SH3PXD2A: variants seen among roughly 807,000 people sequenced by gnomAD.
SH3PXD2A encodes the protein SH3 and PX domain-containing protein 2A.
Under a neutral mutation model 115.2 loss-of-function variants are expected in SH3PXD2A, and 32 were observed. That is an observed-to-expected ratio of 0.28 (90% CI 0.21 to 0.37). The LOEUF (loss-of-function observed/expected upper bound fraction) is 0.37, where lower values mean the gene tolerates loss of function less well. Ranked by LOEUF, SH3PXD2A falls within the 10% of genes least tolerant of loss-of-function variation. SH3PXD2A has a pLI of 1.00. For synonymous variants in SH3PXD2A, 610 were observed against 629.1 expected, an observed-to-expected ratio of 0.97 and a Z score of 0.45; for missense variants, 1,328 against 1,498.7, an observed-to-expected ratio of 0.89 and a Z score of 1.88.
At chr10:103,609,522 A>C (rs895454850) in intron 13 of SH3PXD2A, 1 of 152,220 alleles carries the variant, frequency 6.6e-6, no homozygotes, top group Non-Finnish European at 1.5e-5. Context: ...ACATTCAAGG[A>C]CATTTAGAAG....
At chr10:103,844,169 A>G (rs1265632526) in intron 1 of SH3PXD2A, among the ~76,000 whole-genome samples, 1 of 152,248 alleles carries the variant, frequency 6.6e-6, no homozygotes, top group Non-Finnish European at 1.5e-5. Flanking sequence ...GGCTCTGACC[A>G]GCAGAAATCC....
intron 1 of SH3PXD2A, among the ~76,000 whole-genome samples, chr10:103,831,931 A>T (rs2039486092): frequency 1.3e-5 from 2 of 152,066 alleles, no homozygotes; most frequent in South Asian, 4.2e-4. Flanking sequence ...TTTGTGTCTG[A>T]CTTCTTTCAC....
intron 3 of SH3PXD2A, among the ~76,000 whole-genome samples, chr10:103,761,500 A>T (rs1294972901): frequency 2.0e-5 from 3 of 152,252 alleles, no homozygotes; most frequent in Admixed American, 6.5e-5. Context: ...GGACTATCTT[A>T]TTTGTAATCA....
chr10:103,737,356 C>T (rs1274369979), intron 3 of SH3PXD2A, among the ~76,000 whole-genome samples: 1 of 152,184 alleles, frequency 6.6e-6, no homozygotes, highest in African/African-American at 2.4e-5. Context: ...AGGTAGACTG[C>T]ATATGAATCC....
chr10:103,828,104 C>T lies in SH3PXD2A; in HGVS notation c.73-26742G>A, dbSNP rs78713883. 7.9e-3 allele frequency among the ~76,000 whole-genome samples: 1,206 copies of T among 152,254 alleles called. 6 individuals are homozygous for T. Among genetic ancestry groups the T allele is most frequent in the Non-Finnish European group, 0.013 (907 of 68,026 alleles). On this transcript the variant is annotated intron_variant, in intron 1 of 14. Transcript: ENST00000369774. ...ATCTTTTGGGAGAGAGGAAAGTCTA[C>T]GTAATAAGATGCTACAGTTCTCTGT... is the stretch of plus-strand genomic sequence containing the variant.
rs748254205 is a variant in SH3PXD2A, at chr10:103,767,086, A to G, written c.229+8T>C. The G allele has an allele frequency of 2.0e-5, 32 of 1,611,562 alleles. No homozygotes were observed. The highest frequency in any genetic ancestry group is 2.4e-5 in the Non-Finnish European group (28 of 1,177,872). ...CCCCATCCCTGGGTGGAGCCACCCA[A>G]TGCTTACCTGGGAGGAAGGGGATGA... On this transcript the variant is annotated splice_region_variant and intron_variant, in intron 3 of 14. Transcript: ENST00000369774.
chr10:103,685,616 A>G (rs1426184429), intron 6 of SH3PXD2A, among the ~76,000 whole-genome samples: 1 of 152,078 alleles, frequency 6.6e-6, no homozygotes, highest in African/African-American at 2.4e-5. Flanking sequence ...AAGCTGCTTC[A>G]CCCTTAGTGC....
chr10:103,785,344 C>T (rs534350843), intron 2 of SH3PXD2A, among the ~76,000 whole-genome samples: 6 of 152,242 alleles, frequency 3.9e-5, no homozygotes, highest in Non-Finnish European at 7.4e-5. Flanking sequence ...AGATGAGACC[C>T]GGGGACCCTC....
rs749998982 is a variant in SH3PXD2A at position 103,855,189 on chromosome 10, A to G, written c.72+6T>C. 10 of 1,530,124 alleles carry G rather than the reference A, an allele frequency of 6.5e-6. No individual in the cohort carries two copies. The highest frequency in any genetic ancestry group is 8.8e-6 in the Non-Finnish European group (10 of 1,136,340). 94.8% of individuals were successfully genotyped at this position (1,530,124 alleles called of 1,614,324 possible). On this transcript the variant is annotated splice_donor_region_variant and intron_variant, in intron 1 of 14. Coordinates refer to ENST00000369774, the MANE Select transcript of SH3PXD2A (RefSeq NM_001394015.1). ...CCCCAGCAGGGTCGGCGGGGGCTGT[A>G]CTCACGTAGTGCTTGGAGGGGTTCC...
rs1491423911 is a variant in SH3PXD2A, at chr10:103,702,597, G to GTGTGTGTGTGTGTGTC, written c.399-9542_399-9541insGACACACACACACACA. ...AACAGATGTAAGCCTGTGTGTGTGCGTGTGTGTGTGTGTGTGCATGCTGGG... is the reference window on the plus strand; with the variant it reads ...AACAGATGTAAGCCTGTGTGTGTGCGTGTGTGTGTGTGTGTCTGTGTGTGTGTGTGTGCATGCTGGG... On this transcript the variant is annotated intron_variant, in intron 5 of 14. Coordinates refer to ENST00000369774, the MANE Select transcript of SH3PXD2A (RefSeq NM_001394015.1). 4.6e-4 allele frequency among the ~76,000 whole-genome samples: 5 copies of GTGTGTGTGTGTGTGTC among 10,916 alleles called. No homozygotes were observed. The East Asian group carries it at 0.06, about 130-fold the overall frequency. 7.2% of individuals were successfully genotyped at this position (10,916 alleles called of 152,430 possible). A position where few individuals can be genotyped will look rare whatever the true frequency, so the allele number is the denominator to read the frequency against.
At chr10:103,647,004 G>C (rs1349250377) in intron 8 of SH3PXD2A, among the ~76,000 whole-genome samples, 1 of 152,194 alleles carries the variant, frequency 6.6e-6, no homozygotes, top group African/African-American at 2.4e-5. Flanking sequence ...ACCTCCCTTG[G>C]AGGGAGGCCT....
At position 103,694,182 on chromosome 10, in the gene SH3PXD2A, C is replaced by T. The variant is rs146780531; in HGVS notation, c.399-1126G>A. 9.6e-3 allele frequency among the ~76,000 whole-genome samples: 1,466 copies of T among 152,222 alleles called. 10 individuals carry two copies. The highest frequency in any genetic ancestry group is 0.016 in the South Asian group (75 of 4,814). On this transcript the variant is annotated intron_variant, in intron 5 of 14. Coordinates refer to ENST00000369774, the MANE Select transcript of SH3PXD2A (RefSeq NM_001394015.1). ...CTCTCTCCGGAGTCCGAAGGAAATG[C>T]CTTCCATTTTCCCCAGGGGCCAAAG...
At chr10:103,683,994 T>C (rs2037644373) in intron 6 of SH3PXD2A, among the ~76,000 whole-genome samples, 1 of 152,256 alleles carries the variant, frequency 6.6e-6, no homozygotes, top group Non-Finnish European at 1.5e-5. Context: ...GCCTGCGCTC[T>C]GGAGGGAGGA....
chr10:103,759,745 G>A (rs888240230), intron 3 of SH3PXD2A, among the ~76,000 whole-genome samples: 7 of 152,198 alleles, frequency 4.6e-5, no homozygotes, highest in African/African-American at 1.7e-4. Context: ...ATCCCAGGAT[G>A]GGCAACAGGA....
chr10:103,670,363 G>A (rs2037439940), intron 6 of SH3PXD2A, among the ~76,000 whole-genome samples: 1 of 152,210 alleles, frequency 6.6e-6, no homozygotes, highest in African/African-American at 2.4e-5. Context: ...CTGGGTTGCT[G>A]TGAGAATTAA....
At chr10:103,706,353 G>A (rs1009358610) in intron 5 of SH3PXD2A, among the ~76,000 whole-genome samples, 10 of 152,216 alleles carry the variant, frequency 6.6e-5, no homozygotes, top group African/African-American at 9.6e-5. Context: ...TGGTTTTACA[G>A]CCTCCTCTCA....
intron 8 of SH3PXD2A, among the ~76,000 whole-genome samples, chr10:103,656,310 CT>C (rs1468859757): frequency 6.6e-6 from 1 of 152,236 alleles, no homozygotes; most frequent in East Asian, 1.9e-4. Flanking sequence ...GACACCCGAT[CT>C]AACGTTTGCC....
At chr10:103,808,042 G>T (rs939740209) in intron 1 of SH3PXD2A, among the ~76,000 whole-genome samples, 4 of 151,970 alleles carry the variant, frequency 2.6e-5, no homozygotes, top group Non-Finnish European at 4.4e-5. Flanking sequence ...TCATGGGGGG[G>T]TTGGTAAGAA....
rs2037415974 is a variant in SH3PXD2A at position 103,668,626 on chromosome 10, G to A, written c.454C>T (p.Pro152Ser). The change falls in exon 7 of 15, where the codon CCC becomes TCC. Residue 152 changes from proline (P) to serine (S), a missense_variant. Physicochemically the swap from Pro to Ser is moderately conservative, Grantham distance 74. Transcript: ENST00000369774. ...SVWLSSWAES[P>S]KKDVTGADAT... ...GCAGTACCTGTCACGTCCTTCTTGG[G>A]CGACTCAGCCCAGCTGGACAGCCAC... 2 of 1,558,104 alleles carry A rather than the reference G, an allele frequency of 1.3e-6. No homozygotes were observed. Among genetic ancestry groups the A allele is most frequent in the East Asian group, 2.4e-5 (1 of 41,964 alleles).
Sources: allele counts gnomAD v4.1 joint callset (sites outside exome capture counted in the v4.1 genomes callset), GRCh38; gene constraint gnomAD v4.1.1; transcripts MANE v1.5; gene names NCBI Gene and HGNC (gene_info 2026-07-23, HGNC 2026-07-21).